The following MYO1F variants were observed in gnomAD, a reference collection of about 807,000 sequenced individuals.
MYO1F encodes unconventional myosin-If.
Under a neutral mutation model 146.6 loss-of-function variants are expected in MYO1F, and 60 were observed. The ratio of observed to expected loss-of-function variants is 0.41; its 90% confidence interval spans 0.33 to 0.51. MYO1F has a LOEUF of 0.51. Among genes scored for constraint, MYO1F ranks in the 20% least tolerant of loss-of-function variants. The pLI, the probability that MYO1F is intolerant of heterozygous loss-of-function variation, is 0.25. For synonymous variants in MYO1F, 602 were observed against 602.1 expected (o/e 1.00, Z 0.00); for missense variants, 1,274 against 1,534.3 (o/e 0.83, Z 2.83).
chr19:8,550,574 C>G lies in MYO1F; in HGVS notation c.892G>C (p.Glu298Gln). The G allele has an allele frequency of 1.9e-6, 3 of 1,614,200 alleles. No individual in the cohort carries two copies. Among genetic ancestry groups the G allele is most frequent in the Non-Finnish European group, 2.5e-6 (3 of 1,180,040 alleles). Residue 298 changes from glutamate (E) to glutamine (Q), a missense_variant, in exon 9 of 28, where the codon GAG becomes CAG. Physicochemically the swap from Glu to Gln is conservative, Grantham distance 29 (BLOSUM62 2). Around this residue, in one of 2 missense-constraint regions of MYO1F, gnomAD observed 900 missense variants for 1,155.1 expected, o/e 0.78. Coordinates refer to ENST00000644032, the MANE Select transcript of MYO1F (RefSeq NM_012335.4). Reference protein sequence around the residue: ...FCEDGNYARVESVDLLAFPAY... With the variant: ...FCEDGNYARVQSVDLLAFPAY... ...TACCCACACTCACGGTCCACACTCT[C>G]CACTCGGGCGTAATTCCCGTCTTCA...
Position 8,548,273 on chromosome 19 carries a change from G to A in MYO1F, c.1146C>T (p.Ile382=), listed in dbSNP as rs542097693. 86 of 1,614,044 alleles carry A rather than the reference G, an allele frequency of 5.3e-5. No individual in the cohort carries two copies. In the South Asian group the frequency reaches 8.3e-4, roughly 16 times the overall value. The part of the protein sequence containing the change: ...AMQKPQEEYS[I]GVLDIYGFEI... The stretch of plus-strand genomic sequence containing the variant: ...CGAAGCCGTAAATGTCCAGCACACC[G>A]ATGCTGTACTCTTCCTGGGGTTTCT... Residue 382 remains isoleucine, a synonymous_variant, in exon 11 of 28, where the codon ATC becomes ATT. Transcript: ENST00000644032.
chr19:8,546,672 CTCTT>C (rs1973371480), intron 12 of MYO1F, among the ~76,000 whole-genome samples: 2 of 151,698 alleles, frequency 1.3e-5, no homozygotes. Flanking sequence ...GTCTGTCTCT[CTCTT>C]TTTTTCTTTT....
chr19:8,523,392 G>C (rs543292311), intron 25 of MYO1F, among the ~76,000 whole-genome samples: 1 of 152,166 alleles, frequency 6.6e-6, no homozygotes, highest in African/African-American at 2.4e-5. Context: ...GCCCAGGTTG[G>C]AGTGCAGTGG....
Position 8,570,374 on chromosome 19 carries a change from T to A in MYO1F, c.3+6933A>T, listed in dbSNP as rs58722726. 5.4e-3 allele frequency among the ~76,000 whole-genome samples: 794 copies of A among 146,916 alleles called. 3 individuals carry two copies. The highest frequency in any genetic ancestry group is 0.019 in the African/African-American group (753 of 39,846). ...CGTGAGCCACTGCACCCAGCCACAT[T>A]TTTTTTTTTATTTGAGATGGAGTCT... On this transcript the variant is annotated intron_variant, in intron 1 of 27. Coordinates refer to ENST00000644032, the MANE Select transcript of MYO1F (RefSeq NM_012335.4).
In MYO1F at chr19:8,550,364, G is replaced by A. The variant is rs1463164218; in HGVS notation, c.905-8C>T. On this transcript the variant is annotated splice_polypyrimidine_tract_variant and splice_region_variant and intron_variant, in intron 9 of 27. Coordinates refer to ENST00000644032, the MANE Select transcript of MYO1F (RefSeq NM_012335.4). ...AGGCGGGAAAGGCCAGGACTACCAG[G>A]GCAAAGGTCAGGGCAAAAATGGGAC... 2 of 1,608,504 alleles carry A rather than the reference G, an allele frequency of 1.2e-6. No homozygotes were observed. The highest frequency in any genetic ancestry group is 1.3e-5 in the African/African-American group (1 of 74,910).
At chr19:8,527,636 A>C (rs1972323921) in intron 21 of MYO1F, among the ~76,000 whole-genome samples, 153 bp from the exon 22 acceptor site, 5 of 152,100 alleles carry the variant, frequency 3.3e-5, no homozygotes, top group Non-Finnish European at 7.4e-5. Flanking sequence ...TTTTGTAGAC[A>C]GGGTCTCACT....
intron 1 of MYO1F, among the ~76,000 whole-genome samples, chr19:8,566,319 G>A (rs2042003812): frequency 6.7e-6 from 1 of 148,390 alleles, no homozygotes; most frequent in African/African-American, 2.5e-5. Context: ...AGGCTCCCAC[G>A]GCCATGCCCA....
At chr19:8,535,545 C>T (rs1972667584) in intron 19 of MYO1F, among the ~76,000 whole-genome samples, 1 of 152,172 alleles carries the variant, frequency 6.6e-6, no homozygotes, top group African/African-American at 2.4e-5. Context: ...ACTGATATTA[C>T]AGGCATGCGC....
intron 10 of MYO1F, chr19:8,549,922 C>T: frequency 1.7e-6 from 1 of 595,782 alleles, no homozygotes; most frequent in African/African-American, 1.8e-5. Flanking sequence ...AACCTCAGCC[C>T]TCTGAGTAGC....
Position 8,526,841 on chromosome 19 carries a change from T to G in MYO1F, c.2569A>C (p.Lys857Gln). The G allele has an allele frequency of 6.2e-7, 1 of 1,613,744 alleles. No individual in the cohort carries two copies. The highest frequency in any genetic ancestry group is 1.1e-5 in the South Asian group (1 of 91,070). ...CTCCGCGTCGCCTCCTCGAAGCGCTTGCACAGAAGGCTGACAAACTCGGTC... is the reference window on the plus strand; with the variant it reads ...CTCCGCGTCGCCTCCTCGAAGCGCTGGCACAGAAGGCTGACAAACTCGGTC... ...FKTEFVSLLCKRFEEATRRPL... is the reference protein window; with the variant it reads ...FKTEFVSLLCQRFEEATRRPL... The change falls in exon 23 of 28, where the codon AAG becomes CAG. Residue 857 changes from lysine to glutamine, a missense_variant. By Grantham distance (53) the Lys-to-Gln change is moderately conservative. This residue lies in a region of MYO1F where 374 missense variants were observed against 379.2 expected (regional missense o/e 0.99). Transcript: ENST00000644032.
intron 22 of MYO1F, 55 bp downstream of exon 22, chr19:8,527,283 G>A (rs1972310304): frequency 6.2e-7 from 1 of 1,611,360 alleles, no homozygotes. Flanking sequence ...CTAGAATGAG[G>A]GCAGCCAGGG....
chr19:8,568,433 A>AAAAAAC (rs2042047734), intron 1 of MYO1F, among the ~76,000 whole-genome samples: 3 of 145,316 alleles, frequency 2.1e-5, no homozygotes, highest in African/African-American at 8.4e-5. Flanking sequence ...AAAAAAAAAA[A>AAAAAAC]AAAAAAAAAA....
chr19:8,521,495 G>A lies in MYO1F; in HGVS notation c.*33C>T. The A allele has an allele frequency of 6.2e-7, 1 of 1,602,462 alleles. No individual in the cohort carries two copies. The highest frequency in any genetic ancestry group is 8.5e-7 in the Non-Finnish European group (1 of 1,174,030). ...CACCAGGCCGGCAGGCAGATAGGCGGGCGAAAGAGAAGGCAGTATCCCAGG... is the reference window on the plus strand; with the variant it reads ...CACCAGGCCGGCAGGCAGATAGGCGAGCGAAAGAGAAGGCAGTATCCCAGG... On this transcript the variant is annotated 3_prime_UTR_variant, in exon 28 of 28. Coordinates refer to ENST00000644032, the MANE Select transcript of MYO1F (RefSeq NM_012335.4).
In MYO1F at chr19:8,551,746, C is replaced by T; in HGVS notation, c.765G>A (p.Glu255=). 1 of 1,614,152 alleles carries T rather than the reference C, an allele frequency of 6.2e-7. No homozygotes were observed. Among genetic ancestry groups the T allele is most frequent in the Non-Finnish European group, 8.5e-7 (1 of 1,180,040 alleles). The change falls in exon 8 of 28, where the codon GAG becomes GAA. Residue 255 remains glutamate, a synonymous_variant. Coordinates refer to ENST00000644032, the MANE Select transcript of MYO1F (RefSeq NM_012335.4). ...DGTDDRSDFG[E]TLSAMQVIGI... is the part of the protein sequence containing the mutation. ...AGTAGAGGCCGGTGCTCACCAGAGT[C>T]TCACCAAAGTCGCTTCTGTCGTCCG...
At chr19:8,554,872 C>G in intron 2 of MYO1F, 129 bp from the exon 3 acceptor site, 3 of 877,396 alleles carry the variant, frequency 3.4e-6, no homozygotes, top group Non-Finnish European at 5.6e-6. Flanking sequence ...ATAATGGATG[C>G]ACCTCGAGTC....
At chr19:8,541,575 C>T (rs955896065) in intron 15 of MYO1F, among the ~76,000 whole-genome samples, 34 of 151,068 alleles carry the variant, frequency 2.3e-4, no homozygotes, top group Admixed American at 1.1e-3. Context: ...ATTACAGGTG[C>T]GCGCCACCAC....
chr19:8,526,702 G>T (rs1380201925), intron 23 of MYO1F, 87 bp downstream of exon 23: 2 of 1,532,062 alleles, frequency 1.3e-6, no homozygotes, highest in African/African-American at 1.4e-5. Context: ...CGGGGCCGAA[G>T]CGCAGTTCGG....
intron 1 of MYO1F, among the ~76,000 whole-genome samples, chr19:8,559,919 C>T (rs1306469151): frequency 1.4e-5 from 2 of 141,058 alleles, no homozygotes; most frequent in African/African-American, 5.2e-5. Flanking sequence ...CATTGCACTC[C>T]AGCCTGGGCA....
At chr19:8,536,421 G>T in intron 18 of MYO1F, 25 bp from the exon 19 acceptor site, 1 of 1,608,546 alleles carries the variant, frequency 6.2e-7, no homozygotes. Flanking sequence ...CTGGGGTGTG[G>T]GAGTGCTCAT....
Sources: gnomAD v4.1 joint callset for allele counts (sites outside exome capture counted in the v4.1 genomes callset) on GRCh38, gnomAD v4.1.1 for gene constraint, gnomAD v4.1.1 regional missense constraint, MANE v1.5 for transcripts, NCBI Gene and HGNC (gene_info 2026-07-23, HGNC 2026-07-21) for gene names.